The following PDE4D variants were observed in gnomAD, a reference collection of about 807,000 sequenced individuals.
PDE4D encodes 3',5'-cyclic-AMP phosphodiesterase 4D.
PDE4D carries 24 observed loss-of-function variants against 87.4 expected under a neutral mutation model. The observed-to-expected ratio is 0.27, with a 90% CI of 0.20 to 0.39. The LOEUF (loss-of-function observed/expected upper bound fraction) is 0.39, where lower values mean the gene tolerates loss of function less well. PDE4D is among the 10% of genes least tolerant of loss of function. The probability of loss-of-function intolerance (pLI) is 1.00; values close to 1 mark genes in which losing one functional copy is unlikely to be tolerated. For missense variants in PDE4D, 714 were observed against 1,041.0 expected, an observed-to-expected ratio of 0.69 and a Z score of 4.32; for synonymous variants, 384 against 383.2, an observed-to-expected ratio of 1.00 and a Z score of -0.02.
At chr5:59,980,375 G>A (rs534633362) in intron 3 of PDE4D, among the ~76,000 whole-genome samples, 16 of 152,132 alleles carry the variant, frequency 1.1e-4, no homozygotes, top group Admixed American at 2.0e-4. Context: ...CACTTTTCAC[G>A]GTAAAATAAA....
chr5:59,303,409 T>G (rs992172907), intron 1 of PDE4D, among the ~76,000 whole-genome samples: 3 of 152,166 alleles, frequency 2.0e-5, no homozygotes, highest in African/African-American at 7.2e-5. Context: ...GTCCCAGCTA[T>G]TTATCTTTGT....
At chr5:59,926,640 A>G (rs1755318576) in intron 3 of PDE4D, among the ~76,000 whole-genome samples, 1 of 152,180 alleles carries the variant, frequency 6.6e-6, no homozygotes. Flanking sequence ...TTTCTAACAT[A>G]GCATCTTAAT....
Position 58,992,177 on chromosome 5 carries a change from G to A in PDE4D, c.1016-173C>T, listed in dbSNP as rs3805554. ...ACATTTGAATTGGACTTAATTTGAT[G>A]TCTTCAAACACAAAATTAAGCAAAT... On this transcript the variant is annotated intron_variant, in intron 7 of 14. Transcript: ENST00000340635. Among the ~76,000 whole-genome samples the A allele has an allele frequency of 0.82, 124,232 of 152,100 alleles. 50,882 individuals are homozygous for A. Among genetic ancestry groups the A allele is most frequent in the Admixed American group, 0.88 (13,474 of 15,278 alleles).
intron 1 of PDE4D, among the ~76,000 whole-genome samples, chr5:59,487,478 C>T (rs1805359574): frequency 6.6e-6 from 1 of 152,126 alleles, no homozygotes; most frequent in Non-Finnish European, 1.5e-5. Context: ...GCTGAGTGAC[C>T]TTGGACAAGC....
At chr5:59,342,839 T>C (rs879258318) in intron 1 of PDE4D, among the ~76,000 whole-genome samples, 2 of 152,166 alleles carry the variant, frequency 1.3e-5, no homozygotes, top group African/African-American at 2.4e-5. Context: ...CATACATTTA[T>C]AGTGCGCAAG....
At chr5:59,178,233 C>T (rs891818351) in intron 5 of PDE4D, among the ~76,000 whole-genome samples, 1 of 152,178 alleles carries the variant, frequency 6.6e-6, no homozygotes, top group African/African-American at 2.4e-5. Flanking sequence ...CATGTTCCCA[C>T]CTTGGTTTGC....
intron 2 of PDE4D, among the ~76,000 whole-genome samples, chr5:60,039,605 T>G (rs187202570): frequency 5.6e-4 from 84 of 151,000 alleles, no homozygotes; most frequent in African/African-American, 1.7e-3. Context: ...AGAAAAAAAA[T>G]AAAAAAAATA....
At chr5:59,523,527 T>C (rs1367028599) in intron 1 of PDE4D, among the ~76,000 whole-genome samples, 2 of 152,238 alleles carry the variant, frequency 1.3e-5, no homozygotes, top group Admixed American at 6.5e-5. Flanking sequence ...CTACATTCTC[T>C]CTTGGGAGAC....
At chr5:59,958,003 T>C (rs541189114) in intron 3 of PDE4D, among the ~76,000 whole-genome samples, 7 of 152,116 alleles carry the variant, frequency 4.6e-5, no homozygotes, top group Non-Finnish European at 1.0e-4. Flanking sequence ...TTGAAGTACA[T>C]TTAAATAGAC....
At chr5:59,688,507 T>G (rs1274740402) in intron 1 of PDE4D, among the ~76,000 whole-genome samples, 2 of 152,206 alleles carry the variant, frequency 1.3e-5, no homozygotes, top group Middle Eastern at 3.2e-3. Context: ...AATAAAGATG[T>G]TCTTTGAAAC....
chr5:59,025,550 A>G (rs902204186), intron 6 of PDE4D, among the ~76,000 whole-genome samples: 6 of 151,918 alleles, frequency 3.9e-5, no homozygotes, highest in East Asian at 1.9e-4. Context: ...TTCCTTCTCT[A>G]TTGGGTTTGG....
chr5:59,172,359 A>G (rs1783141059), intron 5 of PDE4D, among the ~76,000 whole-genome samples: 1 of 134,746 alleles, frequency 7.4e-6, no homozygotes, highest in Non-Finnish European at 1.5e-5. Flanking sequence ...TATATTTTGT[A>G]TATATTATAT....
chr5:59,969,787 G>A (rs1442551912), intron 3 of PDE4D, among the ~76,000 whole-genome samples: 1 of 152,122 alleles, frequency 6.6e-6, no homozygotes, highest in Non-Finnish European at 1.5e-5. Flanking sequence ...GTGAAGAAGG[G>A]TTTGCTTCCC....
At chr5:59,785,772 C>T (rs1765104960) in intron 1 of PDE4D, among the ~76,000 whole-genome samples, 1 of 152,136 alleles carries the variant, frequency 6.6e-6, no homozygotes, top group South Asian at 2.1e-4. Context: ...CTCATCCATA[C>T]CGAAGGATGG....
chr5:60,337,322 G>T (rs1354773064), intron 1 of PDE4D, among the ~76,000 whole-genome samples: 2 of 138,992 alleles, frequency 1.4e-5, no homozygotes, highest in African/African-American at 5.2e-5. Flanking sequence ...AACAGAGAGA[G>T]ACTTTGTCTC....
chr5:60,458,139 C>T (rs1746620435), intron 1 of PDE4D, among the ~76,000 whole-genome samples: 1 of 152,114 alleles, frequency 6.6e-6, no homozygotes, highest in African/African-American at 2.4e-5. Flanking sequence ...AATCCCAGCA[C>T]TTTGGGAGGC....
intron 3 of PDE4D, among the ~76,000 whole-genome samples, chr5:59,915,474 C>T (rs538291420): frequency 6.6e-6 from 1 of 152,250 alleles, no homozygotes; most frequent in South Asian, 2.1e-4. Flanking sequence ...TATTGGAGAA[C>T]ACTGGGAATA....
chr5:59,360,656 T>C (rs1308518741), intron 1 of PDE4D, among the ~76,000 whole-genome samples: 1 of 152,210 alleles, frequency 6.6e-6, no homozygotes, highest in East Asian at 1.9e-4. Flanking sequence ...ATGGAAGTGT[T>C]GCAAAATAAT....
chr5:59,996,198 T>C (rs1277906215), intron 2 of PDE4D, among the ~76,000 whole-genome samples: 1 of 152,220 alleles, frequency 6.6e-6, no homozygotes, highest in Non-Finnish European at 1.5e-5. Context: ...TCAGTGAGCC[T>C]ACACTATGCA....
Sources: gnomAD v4.1 joint callset for allele counts (sites outside exome capture counted in the v4.1 genomes callset) on GRCh38, gnomAD v4.1.1 for gene constraint, MANE v1.5 for transcripts, NCBI Gene and HGNC (gene_info 2026-07-23, HGNC 2026-07-21) for gene names.